The following MPP7 variants were observed in gnomAD, a reference collection of about 807,000 sequenced individuals.
MPP7 encodes MAGUK p55 subfamily member 7.
MPP7 carries 60 observed loss-of-function variants against 76.5 expected under a neutral mutation model. The ratio of observed to expected loss-of-function variants is 0.78; its 90% CI spans 0.64 to 0.97. The LOEUF (loss-of-function observed/expected upper bound fraction) is 0.97, where lower values mean the gene tolerates loss of function less well. MPP7 is among the 50% of genes least tolerant of loss of function. The pLI is 0.00. For missense variants in MPP7, 641 were observed against 694.0 expected (o/e 0.92, Z 0.86); for synonymous variants, 237 against 244.5 (o/e 0.97, Z 0.29).
intron 2 of MPP7, among the ~76,000 whole-genome samples, chr10:28,220,802 T>A (rs950496809): frequency 2.0e-5 from 3 of 152,124 alleles, no homozygotes; most frequent in African/African-American, 7.2e-5. Context: ...AATGAGTATG[T>A]AGCATCTAAT....
chr10:28,326,075 C>T (rs571667261), intron 2 of MPP7, among the ~76,000 whole-genome samples: 1 of 152,184 alleles, frequency 6.6e-6, no homozygotes, highest in Non-Finnish European at 1.5e-5. Context: ...TTCTCCATCT[C>T]CAGGCATGTA....
chr10:28,075,883 GCC>G (rs1852460535), intron 12 of MPP7, among the ~76,000 whole-genome samples: 1 of 152,114 alleles, frequency 6.6e-6, no homozygotes, highest in Non-Finnish European at 1.5e-5. Context: ...AATGCCTTCT[GCC>G]TTATTCAACA....
chr10:28,057,323 G>A (rs1295250274), intron 15 of MPP7, among the ~76,000 whole-genome samples: 1 of 152,196 alleles, frequency 6.6e-6, no homozygotes, highest in Non-Finnish European at 1.5e-5. Flanking sequence ...GGTGCAGCCT[G>A]TGGGAGGTGA....
intron 1 of MPP7, among the ~76,000 whole-genome samples, chr10:28,282,391 A>G (rs936574637): frequency 6.6e-6 from 1 of 152,072 alleles, no homozygotes; most frequent in Non-Finnish European, 1.5e-5. Flanking sequence ...TTGGAGGAAG[A>G]GCGGTTAAAA....
At chr10:28,299,168 A>C (rs1841096926) in intron 1 of MPP7, among the ~76,000 whole-genome samples, 1 of 152,356 alleles carries the variant, frequency 6.6e-6, no homozygotes, top group East Asian at 1.9e-4. Flanking sequence ...TGTTTGGTGC[A>C]AGAGGCCTAG....
intron 2 of MPP7, among the ~76,000 whole-genome samples, chr10:28,329,677 AAC>A: frequency 6.6e-6 from 1 of 152,022 alleles, no homozygotes; most frequent in Middle Eastern, 3.4e-3. Flanking sequence ...ATACTTTTCT[AAC>A]AGTTTTTCAG....
chr10:28,083,838 T>G (rs755114069), intron 12 of MPP7, among the ~76,000 whole-genome samples: 22 of 152,140 alleles, frequency 1.4e-4, no homozygotes, highest in Non-Finnish European at 2.4e-4. Context: ...GCACCTGGCC[T>G]TTACTCTATT....
At chr10:28,121,555 T>C (rs1834840871) in intron 8 of MPP7, among the ~76,000 whole-genome samples, 1 of 152,204 alleles carries the variant, frequency 6.6e-6, no homozygotes, top group African/African-American at 2.4e-5. Context: ...CAAGTTTTTG[T>C]TATCTCAGAT....
rs368533979 is a variant in MPP7 at position 28,056,662 on chromosome 10, T to A, written c.1408-39A>T. On this transcript the variant is annotated intron_variant, in intron 15 of 16. Transcript: ENST00000683449. ...AAGAAAGTTTTCTCACATTTCTCCA[T>A]AGCATCATGAATTACTGAATTTTCT... is the stretch of plus-strand genomic sequence containing the variant. The A allele has an allele frequency of 2.7e-5, 40 of 1,500,672 alleles. No individual in the cohort carries two copies. In the African/African-American group the frequency reaches 5.3e-4, roughly 20 times the overall value. 93.0% of individuals were successfully genotyped at this position (1,500,672 alleles called of 1,614,324 possible).
intron 1 of MPP7, among the ~76,000 whole-genome samples, chr10:28,274,969 G>T (rs1218322021): frequency 6.6e-6 from 1 of 152,166 alleles, no homozygotes; most frequent in Non-Finnish European, 1.5e-5. Context: ...TCTGCCCAGA[G>T]CTTAACACAG....
At chr10:28,058,934 A>G (rs1291401352) in intron 14 of MPP7, among the ~76,000 whole-genome samples, 6 of 152,200 alleles carry the variant, frequency 3.9e-5, no homozygotes, top group Non-Finnish European at 7.3e-5. Context: ...AATAGAAACT[A>G]CTGGAATTTC....
chr10:28,152,587 C>G (rs1162118388), intron 3 of MPP7, among the ~76,000 whole-genome samples: 2 of 152,200 alleles, frequency 1.3e-5, no homozygotes, highest in African/African-American at 4.8e-5. Context: ...TAGCCACTGG[C>G]CACGTGTGGC....
intron 3 of MPP7, among the ~76,000 whole-genome samples, chr10:28,173,860 T>C (rs373908320): frequency 6.6e-6 from 1 of 152,156 alleles, no homozygotes; most frequent in Non-Finnish European, 1.5e-5. Context: ...GACTCAGTAT[T>C]GTAAAGATAT....
At chr10:28,069,633 AC>A in intron 13 of MPP7, 138 bp downstream of exon 13, 1 of 500,778 alleles carries the variant, frequency 2.0e-6, no homozygotes, top group South Asian at 5.1e-5. Flanking sequence ...AAAAAAACTC[AC>A]ATGCCCCATA....
At chr10:28,313,460 T>A (rs961698346) in intron 2 of MPP7, among the ~76,000 whole-genome samples, 1 of 151,916 alleles carries the variant, frequency 6.6e-6, no homozygotes, top group African/African-American at 2.4e-5. Context: ...GAGCCTAGAT[T>A]ACACCACTGC....
At chr10:28,327,973 G>T (rs1834434545) in intron 2 of MPP7, among the ~76,000 whole-genome samples, 1 of 152,180 alleles carries the variant, frequency 6.6e-6, no homozygotes, top group Admixed American at 6.5e-5. Context: ...TCTTTCAGTT[G>T]CTGAAATTGA....
chr10:28,270,347 T>G (rs1321333417), intron 1 of MPP7, among the ~76,000 whole-genome samples: 1 of 151,904 alleles, frequency 6.6e-6, no homozygotes, highest in Admixed American at 6.6e-5. Context: ...AGCCCAGCAG[T>G]TCAGAAGCTT....
chr10:28,315,924 T>G (rs1589047299), intron 2 of MPP7, among the ~76,000 whole-genome samples: 1 of 152,038 alleles, frequency 6.6e-6, no homozygotes, highest in South Asian at 2.1e-4. Flanking sequence ...TAAACCCCTA[T>G]CCCCAGTCAT....
At position 28,292,452 on chromosome 10, in the gene MPP7, A is replaced by G. The variant is rs544743620; in HGVS notation, c.-132+10409T>C. Among the ~76,000 whole-genome samples, 638 of 104,406 alleles carry G rather than the reference A, an allele frequency of 6.1e-3. 3 individuals are homozygous for G. Among genetic ancestry groups the G allele is most frequent in the Middle Eastern group, 8.6e-3 (2 of 232 alleles). 68.5% of individuals were successfully genotyped at this position (104,406 alleles called of 152,430 possible). ...AACAAAGAAGACAAGATCATTACGGAAAAAAAAAAAAAATCTGACCTCCAT... is the reference window on the plus strand; with the variant it reads ...AACAAAGAAGACAAGATCATTACGGGAAAAAAAAAAAAATCTGACCTCCAT... On this transcript the variant is annotated intron_variant, in intron 1 of 16. Transcript: ENST00000683449.
Sources: allele counts gnomAD v4.1 joint callset (sites outside exome capture counted in the v4.1 genomes callset), GRCh38; gene constraint gnomAD v4.1.1; transcripts MANE v1.5; gene names NCBI Gene and HGNC (gene_info 2026-07-23, HGNC 2026-07-21).